The following ZNF678 variants were observed in gnomAD, a reference collection of about 807,000 sequenced individuals.
ZNF678 encodes zinc finger protein 678, also known as hypothetical protein MGC42493.
In ZNF678, 5 loss-of-function variants were observed where a neutral mutation model predicts 3.0. That is an observed-to-expected ratio of 1.69 (90% confidence interval 0.88 to 3.56). ZNF678 has a LOEUF of 3.56. ZNF678 is among the 30% of genes most tolerant of loss of function. ZNF678 has a pLI of 0.00. For missense variants in ZNF678, 593 were observed against 605.0 expected (o/e 0.98, Z 0.21); for synonymous variants, 218 against 199.6 (o/e 1.09, Z -0.78).
chr1:227,608,730 T>A (rs1192152176), intron 1 of ZNF678, among the ~76,000 whole-genome samples: 1 of 152,122 alleles, frequency 6.6e-6, no homozygotes, highest in African/African-American at 2.4e-5. Context: ...GCTCAGGATG[T>A]TATAAGAGCA....
chr1:227,593,783 G>A (rs868631861), intron 1 of ZNF678, among the ~76,000 whole-genome samples: 1 of 151,732 alleles, frequency 6.6e-6, no homozygotes, highest in South Asian at 2.1e-4. Context: ...CTTTGGTAGG[G>A]TTTTCCCCTG....
chr1:227,632,245 T>C, intron 1 of ZNF678, among the ~76,000 whole-genome samples: 1 of 150,884 alleles, frequency 6.6e-6, no homozygotes, highest in East Asian at 2.0e-4. Flanking sequence ...AGAGCTTCCT[T>C]AGATCCCTTT....
chr1:227,654,548 A>G lies in ZNF678; in HGVS notation c.298A>G (p.Ile100Val), dbSNP rs777207091. ...AACTAAAAGCAAAATCTTTCAATGT[A>G]TTGAATGTGGCAGAAATTTTAGCTG... Reference protein sequence around the residue: ...SSTKSKIFQCIECGRNFSWRS... With the variant: ...SSTKSKIFQCVECGRNFSWRS... The change falls in exon 4 of 4, where the codon ATT (isoleucine) becomes GTT (valine). Residue 100 changes from isoleucine (I) to valine (V), a missense_variant. Coordinates refer to ENST00000343776, the MANE Select transcript of ZNF678 (RefSeq NM_001367909.1). 9 of 1,613,202 alleles carry G rather than the reference A, an allele frequency of 5.6e-6. No homozygotes were observed. The highest frequency in any genetic ancestry group is 1.1e-5 in the South Asian group (1 of 91,064).
intron 1 of ZNF678, among the ~76,000 whole-genome samples, chr1:227,582,258 G>A (rs12565618): frequency 0.017 from 2,530 of 151,822 alleles, 57 homozygotes; most frequent in South Asian, 0.057. Flanking sequence ...ATTGAATGTA[G>A]TCACATCAAT....
Position 227,668,184 on chromosome 1 carries a change from A to G in ZNF678, c.227-8995A>G, listed in dbSNP as rs376002929. 1.6e-4 allele frequency among the ~76,000 whole-genome samples: 25 copies of G among 152,300 alleles called. No homozygotes were observed. The East Asian group carries it at 3.9e-3, about 24-fold the overall frequency. ...GTCATATCCCTGAAGTTTTGGGACAATAATATACCTACTAGACTAAATTGT... is the reference window on the plus strand; with the variant it reads ...GTCATATCCCTGAAGTTTTGGGACAGTAATATACCTACTAGACTAAATTGT... On this transcript the variant is annotated intron_variant, in intron 5 of 5. Coordinates refer to the ZNF678 transcript ENST00000608949.
intron 1 of ZNF678, among the ~76,000 whole-genome samples, chr1:227,583,631 ATTATAT>A (rs1294272038): frequency 6.6e-6 from 1 of 152,068 alleles, no homozygotes; most frequent in Non-Finnish European, 1.5e-5. Context: ...AAAGATACAG[ATTATAT>A]TTAGGGAAAA....
In ZNF678 at chr1:227,655,418, T is replaced by G; in HGVS notation, c.1168T>G (p.Ser390Ala). 1 of 1,612,488 alleles carries G rather than the reference T, an allele frequency of 6.2e-7. No homozygotes were observed. The highest frequency in any genetic ancestry group is 8.5e-7 in the Non-Finnish European group (1 of 1,179,268). The change falls in exon 4 of 4, where the codon TCA (serine) becomes GCA (alanine). Residue 390 changes from serine to alanine, a missense_variant. Physicochemically the swap from Ser to Ala is moderately conservative, Grantham distance 99. Coordinates refer to ENST00000343776, the MANE Select transcript of ZNF678 (RefSeq NM_001367909.1). ...ATGTGGCAAAGCGTTTAACAAGTTC[T>G]CAAGCCTTACTCAACATAGGAGAAT... The part of the protein sequence containing the change: ...KECGKAFNKF[S>A]SLTQHRRIHT...
At chr1:227,584,382 A>C (rs1657206935) in intron 1 of ZNF678, among the ~76,000 whole-genome samples, 1 of 152,192 alleles carries the variant, frequency 6.6e-6, no homozygotes. Context: ...ATTAATATTT[A>C]AAATATGCAT....
chr1:227,635,678 G>A (rs1187955793), intron 1 of ZNF678, among the ~76,000 whole-genome samples: 1 of 152,066 alleles, frequency 6.6e-6, no homozygotes, highest in Admixed American at 6.5e-5. Flanking sequence ...AGCTGGAAGT[G>A]TCCTAGTCTG....
intron 2 of ZNF678, among the ~76,000 whole-genome samples, chr1:227,650,217 T>C (rs192229746): frequency 6.6e-6 from 1 of 152,358 alleles, no homozygotes; most frequent in Non-Finnish European, 1.5e-5. Context: ...CTAATTTCAC[T>C]TGCATGTAGA....
At chr1:227,669,453 G>C (rs1044593657) in intron 5 of ZNF678, among the ~76,000 whole-genome samples, 2 of 151,216 alleles carry the variant, frequency 1.3e-5, no homozygotes, top group African/African-American at 4.9e-5. Flanking sequence ...TGGCTAACAC[G>C]GTGAAACCCC....
intron 1 of ZNF678, among the ~76,000 whole-genome samples, chr1:227,601,316 T>C (rs1234530776): frequency 6.6e-6 from 1 of 152,198 alleles, no homozygotes; most frequent in African/African-American, 2.4e-5. Flanking sequence ...TGTAAATTGC[T>C]TCGGGCAGTA....
intron 1 of ZNF678, among the ~76,000 whole-genome samples, chr1:227,585,367 T>A (rs1008389854): frequency 1.3e-5 from 2 of 152,194 alleles, no homozygotes; most frequent in South Asian, 4.1e-4. Flanking sequence ...GTAATACATA[T>A]CTATGAACCT....
intron 1 of ZNF678, among the ~76,000 whole-genome samples, chr1:227,578,245 T>C (rs1657036071): frequency 6.6e-6 from 1 of 152,206 alleles, no homozygotes; most frequent in East Asian, 1.9e-4. Flanking sequence ...TGTGTCTTAC[T>C]GGTGCGTTCT....
intron 2 of ZNF678, among the ~76,000 whole-genome samples, chr1:227,650,741 G>A (rs1160259142): frequency 6.6e-6 from 1 of 151,874 alleles, no homozygotes; most frequent in African/African-American, 2.4e-5. Context: ...CCGTAAATGA[G>A]TTTTTTTTAT....
chr1:227,575,743 CT>C (rs1340347291), intron 1 of ZNF678, among the ~76,000 whole-genome samples: 1 of 152,026 alleles, frequency 6.6e-6, no homozygotes, highest in African/African-American at 2.4e-5. Flanking sequence ...ATTTTTTTCT[CT>C]TGCCTGATTG....
intron 1 of ZNF678, among the ~76,000 whole-genome samples, chr1:227,567,245 A>G (rs1234474068): frequency 6.6e-6 from 1 of 152,230 alleles, no homozygotes; most frequent in Non-Finnish European, 1.5e-5. Flanking sequence ...CTTTTGAAAT[A>G]TAAAATGTAA....
chr1:227,602,464 TC>T (rs1657759536), intron 1 of ZNF678, among the ~76,000 whole-genome samples: 1 of 152,210 alleles, frequency 6.6e-6, no homozygotes, highest in South Asian at 2.1e-4. Context: ...CAGTAGTGTT[TC>T]ATCAGAGATT....
Position 227,655,352 on chromosome 1 carries a change from A to G in ZNF678, c.1102A>G (p.Lys368Glu). The change falls in exon 4 of 4, where the codon AAA becomes GAA. Residue 368 changes from lysine (K) to glutamate (E), a missense_variant. Transcript: ENST00000343776. ...FTQFSNLTQH[K>E]RIHTGEKPYK... Reference sequence around the variant, plus strand: ...TCAATTCTCAAACCTCACTCAGCATAAAAGAATTCATACTGGAGAGAAACC... The same window carrying G: ...TCAATTCTCAAACCTCACTCAGCATGAAAGAATTCATACTGGAGAGAAACC... The G allele has an allele frequency of 6.2e-7, 1 of 1,612,690 alleles. No homozygotes were observed. Among genetic ancestry groups the G allele is most frequent in the Non-Finnish European group, 8.5e-7 (1 of 1,179,378 alleles).
Sources: gnomAD v4.1 joint callset for allele counts (sites outside exome capture counted in the v4.1 genomes callset) on GRCh38, gnomAD v4.1.1 for gene constraint, MANE v1.5 for transcripts, NCBI Gene and HGNC (gene_info 2026-07-23, HGNC 2026-07-21) for gene names.